DLGAP2: variants seen among roughly 807,000 people sequenced by gnomAD.
DLGAP2 encodes disks large-associated protein 2.
Under a neutral mutation model 100.3 loss-of-function variants are expected in DLGAP2, and 26 were observed. The ratio of observed to expected loss-of-function variants is 0.26; its 90% confidence interval spans 0.19 to 0.36. DLGAP2 has a LOEUF of 0.36. DLGAP2 is among the 10% of genes least tolerant of loss of function. DLGAP2 has a pLI of 1.00. For missense variants in DLGAP2, 1,858 were observed against 1,453.2 expected (o/e 1.28, Z -4.53); for synonymous variants, 886 against 630.1 (o/e 1.41, Z -6.08).
At chr8:1,196,078 G>A (rs1427472142) in intron 2 of DLGAP2, among the ~76,000 whole-genome samples, 1 of 152,216 alleles carries the variant, frequency 6.6e-6, no homozygotes, top group African/African-American at 2.4e-5. Flanking sequence ...CTGGAAAGCT[G>A]TGTCATAACT....
At chr8:1,492,342 C>G (rs1168488733) in intron 3 of DLGAP2, among the ~76,000 whole-genome samples, 1 of 152,272 alleles carries the variant, frequency 6.6e-6, no homozygotes, top group South Asian at 2.1e-4. Flanking sequence ...ATTTAAACAG[C>G]CTTCAAATCC....
At position 924,155 on chromosome 8, in the gene DLGAP2, G is replaced by T. The variant is rs547360560; in HGVS notation, c.73+16189G>T. Among the ~76,000 whole-genome samples the T allele has an allele frequency of 4.6e-5, 7 of 152,320 alleles. No individual in the cohort carries two copies. In the South Asian group the frequency reaches 8.3e-4, roughly 18 times the overall value. ...GGTTTTCAGTTTCTAGTCCATTTTA[G>T]GGTCTCCACTTGGGAGCAACACCAG... On this transcript the variant is annotated intron_variant, in intron 2 of 14. Coordinates refer to ENST00000637795, the MANE Select transcript of DLGAP2 (RefSeq NM_001346810.2).
intron 2 of DLGAP2, among the ~76,000 whole-genome samples, chr8:1,199,961 G>A (rs1369464934): frequency 6.6e-6 from 1 of 151,914 alleles, no homozygotes; most frequent in Non-Finnish European, 1.5e-5. Flanking sequence ...CCCCGCAGAG[G>A]CCGGGTCTCA....
intron 1 of DLGAP2, among the ~76,000 whole-genome samples, chr8:793,488 G>A (rs898730558): frequency 1.3e-5 from 2 of 152,104 alleles, no homozygotes; most frequent in Non-Finnish European, 2.9e-5. Flanking sequence ...TGGCTTCCCC[G>A]CACCACGCTG....
At chr8:1,350,439 T>C (rs74212087) in intron 3 of DLGAP2, among the ~76,000 whole-genome samples, 4 of 71,600 alleles carry the variant, frequency 5.6e-5, no homozygotes, top group Admixed American at 1.5e-4. Context: ...GGGTCCTGAG[T>C]GTGCGTGGAA....
rs187544242 is a variant in DLGAP2 at position 1,596,104 on chromosome 8, T to C, written c.1442+30210T>C. Among the ~76,000 whole-genome samples the C allele has an allele frequency of 2.9e-4, 44 of 150,128 alleles. 1 individual carries two copies. The highest frequency in any genetic ancestry group is 2.9e-3 in the Admixed American group (43 of 15,024). Reference sequence around the variant, plus strand: ...GTTCTCATCGTTCATCTCCCACTTATGAGTGGCAACATGCAGTATTTGGTT... The same window carrying C: ...GTTCTCATCGTTCATCTCCCACTTACGAGTGGCAACATGCAGTATTTGGTT... On this transcript the variant is annotated intron_variant, in intron 6 of 14. Coordinates refer to ENST00000637795, the MANE Select transcript of DLGAP2 (RefSeq NM_001346810.2).
At chr8:1,019,154 G>A (rs982604433) in intron 2 of DLGAP2, 3 of 152,126 alleles carry the variant, frequency 2.0e-5, no homozygotes, top group Non-Finnish European at 2.9e-5. Context: ...TTAAAATCAT[G>A]CAGACGTTGT....
At chr8:1,174,054 G>A (rs896710602) in intron 2 of DLGAP2, among the ~76,000 whole-genome samples, 3 of 152,192 alleles carry the variant, frequency 2.0e-5, no homozygotes, top group Non-Finnish European at 4.4e-5. Context: ...TCATGACACA[G>A]CTATGCCTGG....
At chr8:1,547,057 A>T (rs1027320379) in intron 4 of DLGAP2, among the ~76,000 whole-genome samples, 2 of 152,020 alleles carry the variant, frequency 1.3e-5, no homozygotes, top group African/African-American at 4.8e-5. Context: ...GAATGCAGGG[A>T]TGCATTCCAG....
chr8:1,018,020 A>G lies in DLGAP2; in HGVS notation c.73+110054A>G, dbSNP rs149926797. ...CTATTCCCACCCCATCCCTTTGTGGAAAGCGCTCACTGACCCCTGCCCCTA... is the reference window on the plus strand; with the variant it reads ...CTATTCCCACCCCATCCCTTTGTGGGAAGCGCTCACTGACCCCTGCCCCTA... On this transcript the variant is annotated intron_variant, in intron 2 of 14. Transcript: ENST00000637795. Among the ~76,000 whole-genome samples, 130 of 152,212 alleles carry G rather than the reference A, an allele frequency of 8.5e-4. 1 individual carries two copies. The East Asian group carries it at 0.022, about 26-fold the overall frequency.
chr8:1,306,094 A>T (rs951326213), intron 3 of DLGAP2, among the ~76,000 whole-genome samples: 2 of 130,334 alleles, frequency 1.5e-5, no homozygotes, highest in African/African-American at 7.0e-5. Context: ...AAAAAAAAAG[A>T]GAGAGGGAGA....
Position 763,994 on chromosome 8 carries a change from G to C in DLGAP2, c.18+26169G>C, listed in dbSNP as rs547543299. On this transcript the variant is annotated intron_variant, in intron 1 of 14. Transcript: ENST00000637795. ...TGGCTGAGCTTCCGGCTTTTAATTGGAAATTTTCATTTTTAAGAGTCTAGT... is the reference window on the plus strand; with the variant it reads ...TGGCTGAGCTTCCGGCTTTTAATTGCAAATTTTCATTTTTAAGAGTCTAGT... Among the ~76,000 whole-genome samples the C allele has an allele frequency of 7.4e-4, 113 of 152,292 alleles. 1 individual carries two copies. The highest frequency in any genetic ancestry group is 7.0e-3 in the Admixed American group (107 of 15,290).
chr8:1,586,436 C>T (rs532489964), intron 6 of DLGAP2, among the ~76,000 whole-genome samples: 45 of 152,314 alleles, frequency 3.0e-4, no homozygotes, highest in East Asian at 1.2e-3. Context: ...TCCTGTCTCA[C>T]GTCCACATCG....
intron 7 of DLGAP2, among the ~76,000 whole-genome samples, chr8:1,627,727 A>G (rs190931665): frequency 6.6e-6 from 1 of 152,130 alleles, no homozygotes; most frequent in South Asian, 2.1e-4. Flanking sequence ...ACTGTGGAGT[A>G]GGGATTAAGA....
chr8:1,254,960 GTCCTCTCATCC>G (rs1799144975), intron 2 of DLGAP2, among the ~76,000 whole-genome samples: 1 of 79,498 alleles, frequency 1.3e-5, no homozygotes, highest in African/African-American at 7.2e-5. Context: ...CTGTGTGTGT[GTCCTCTCATCC>G]TGTCCGGGTG....
Position 1,697,286 on chromosome 8 carries a change from C to T in DLGAP2, c.2936C>T (p.Ser979Phe), listed in dbSNP as rs371362280. The change falls in exon 14 of 15, where the codon TCC (serine) becomes TTC (phenylalanine). Residue 979 changes from serine to phenylalanine, a missense_variant. Coordinates refer to ENST00000637795, the MANE Select transcript of DLGAP2 (RefSeq NM_001346810.2). ...LRLNDWKMME[S>F]PERKEERKVP... ...CTCAACGACTGGAAGATGATGGAGT[C>T]CCCGGAAAGAAAGGTAAGGGCATCC... is the stretch of plus-strand genomic sequence containing the variant. 11 of 1,604,980 alleles carry T rather than the reference C, an allele frequency of 6.9e-6. No homozygotes were observed. The Admixed American group carries it at 1.2e-4, about 17-fold the overall frequency.
intron 2 of DLGAP2, among the ~76,000 whole-genome samples, chr8:1,159,121 T>C (rs2129052432): frequency 6.6e-6 from 1 of 152,328 alleles, no homozygotes; most frequent in East Asian, 1.9e-4. Flanking sequence ...ATTTGACACC[T>C]TTAAGGGATT....
rs1024380734 is a variant in DLGAP2, at chr8:1,327,211, T to C, written c.106+68328T>C. On this transcript the variant is annotated intron_variant, in intron 3 of 14. Transcript: ENST00000637795. ...ACGTTAACACTGCTGTGTATTTCTT[T>C]GCAATTTTACAGGTAAGGCTGAGCT... is the stretch of plus-strand genomic sequence containing the variant. Among the ~76,000 whole-genome samples the C allele has an allele frequency of 3.9e-5, 6 of 152,230 alleles. 1 individual carries two copies. Among genetic ancestry groups the C allele is most frequent in the African/African-American group, 1.4e-4 (6 of 41,462 alleles).
intron 2 of DLGAP2, among the ~76,000 whole-genome samples, chr8:921,951 A>G (rs1011300329): frequency 1.3e-5 from 2 of 152,266 alleles, no homozygotes; most frequent in South Asian, 2.1e-4. Flanking sequence ...GCCTTATCCT[A>G]TGGGTGGGAG....
Sources: allele counts gnomAD v4.1 joint callset (sites outside exome capture counted in the v4.1 genomes callset), GRCh38; gene constraint gnomAD v4.1.1; transcripts MANE v1.5; gene names NCBI Gene and HGNC (gene_info 2026-07-23, HGNC 2026-07-21).